Variants in TMC1 observed in about 807,000 individuals in gnomAD.
TMC1 encodes the protein transmembrane channel-like protein 1.
TMC1 carries 84 observed loss-of-function variants against 105.8 expected under a neutral mutation model. That is an observed-to-expected ratio of 0.79 (90% CI 0.67 to 0.95). The LOEUF (loss-of-function observed/expected upper bound fraction) is 0.95. Ranked by LOEUF, TMC1 falls within the 40% of genes least tolerant of loss-of-function variation. The pLI, the probability that TMC1 is intolerant of heterozygous loss-of-function variation, is 0.00. For missense variants in TMC1, 817 were observed against 914.1 expected (o/e 0.89, Z 1.37); for synonymous variants, 315 against 311.5 (o/e 1.01, Z -0.12).
intron 18 of TMC1, among the ~76,000 whole-genome samples, chr9:72,810,429 T>C (rs1828683136): frequency 6.6e-6 from 1 of 152,184 alleles, no homozygotes; most frequent in Non-Finnish European, 1.5e-5. Context: ...CAGTTTATTG[T>C]AGAAAATTTG....
chr9:72,650,893 TATATATATAAATATATATAG>T (rs1564468513), intron 5 of TMC1, among the ~76,000 whole-genome samples: 13 of 141,710 alleles, frequency 9.2e-5, no homozygotes, highest in Non-Finnish European at 1.5e-4. Context: ...GATATATAGA[TATATATATAAATATATATAG>T]ATATATATAT....
chr9:72,580,387 A>T (rs1240630808), intron 2 of TMC1, among the ~76,000 whole-genome samples: 2 of 152,018 alleles, frequency 1.3e-5, no homozygotes, highest in Admixed American at 6.6e-5. Flanking sequence ...TATTACACAC[A>T]CCCTTCTCAT....
Position 72,836,235 on chromosome 9 carries a change from T to C in TMC1, c.*262T>C, listed in dbSNP as rs1342033008. Reference sequence around the variant, plus strand: ...CATTTCGTGACTTTTTTTTTTTTTTTAACAAATTGAGTTTAGAAGTGAGTG... The same window carrying C: ...CATTTCGTGACTTTTTTTTTTTTTTCAACAAATTGAGTTTAGAAGTGAGTG... On this transcript the variant is annotated 3_prime_UTR_variant, in exon 24 of 24. Coordinates refer to ENST00000297784, the MANE Select transcript of TMC1 (RefSeq NM_138691.3). 1.6e-5 allele frequency: 8 copies of C among 514,930 alleles called. No homozygotes were observed. Among genetic ancestry groups the C allele is most frequent in the Non-Finnish European group, 2.4e-5 (7 of 287,478 alleles). 31.9% of individuals were successfully genotyped at this position (514,930 alleles called of 1,614,324 possible).
chr9:72,779,028 C>T (rs942683417), intron 13 of TMC1, among the ~76,000 whole-genome samples: 1 of 152,218 alleles, frequency 6.6e-6, no homozygotes, highest in Non-Finnish European at 1.5e-5. Context: ...GCACTGTTGC[C>T]AGCAACCCTC....
chr9:72,591,462 C>T (rs906397680), intron 2 of TMC1, among the ~76,000 whole-genome samples: 1 of 152,186 alleles, frequency 6.6e-6, no homozygotes, highest in Non-Finnish European at 1.5e-5. Context: ...AATTACAAGG[C>T]TATTGCAGTA....
At chr9:72,700,260 A>G (rs192910106) in intron 7 of TMC1, among the ~76,000 whole-genome samples, 218 of 151,864 alleles carry the variant, frequency 1.4e-3, no homozygotes, top group Admixed American at 4.6e-3. Flanking sequence ...TCAAAAAAAA[A>G]AAAAGAAAAG....
chr9:72,591,009 A>T (rs1351941644), intron 2 of TMC1, among the ~76,000 whole-genome samples: 1 of 152,192 alleles, frequency 6.6e-6, no homozygotes, highest in African/African-American at 2.4e-5. Context: ...AGGAAGACAG[A>T]GTGGTTTAGG....
intron 8 of TMC1, among the ~76,000 whole-genome samples, chr9:72,702,411 G>T (rs886253665): frequency 7.9e-5 from 12 of 152,000 alleles, no homozygotes; most frequent in African/African-American, 2.7e-4. Flanking sequence ...GAGTTGTGTA[G>T]TCTCTCTACA....
intron 5 of TMC1, among the ~76,000 whole-genome samples, chr9:72,656,723 A>G (rs368059331): frequency 6.6e-6 from 1 of 152,174 alleles, no homozygotes. Flanking sequence ...GATATAATGA[A>G]TTTTACATTT....
At chr9:72,709,598 A>C (rs1249841236) in intron 8 of TMC1, among the ~76,000 whole-genome samples, 1 of 152,120 alleles carries the variant, frequency 6.6e-6, no homozygotes, top group African/African-American at 2.4e-5. Flanking sequence ...GGAGGATTGT[A>C]TCTTTGCAGG....
intron 8 of TMC1, among the ~76,000 whole-genome samples, chr9:72,734,482 A>G (rs1827265059): frequency 6.6e-6 from 1 of 152,068 alleles, no homozygotes; most frequent in Non-Finnish European, 1.5e-5. Context: ...TTGAATAATC[A>G]CTTCCAGTAT....
At chr9:72,712,599 A>C (rs1345346832) in intron 8 of TMC1, among the ~76,000 whole-genome samples, 1 of 152,092 alleles carries the variant, frequency 6.6e-6, no homozygotes. Flanking sequence ...AATACTTGTG[A>C]TTTTTGTACA....
intron 15 of TMC1, among the ~76,000 whole-genome samples, chr9:72,791,431 G>A (rs931580661): frequency 6.6e-6 from 1 of 152,156 alleles, no homozygotes; most frequent in African/African-American, 2.4e-5. Context: ...CCATCTCAGG[G>A]AATTCATCCA....
intron 4 of TMC1, among the ~76,000 whole-genome samples, chr9:72,636,222 C>G (rs1330660522): frequency 6.6e-6 from 1 of 152,176 alleles, no homozygotes; most frequent in South Asian, 2.1e-4. Context: ...TGGGCTTAGA[C>G]TATTCTAAGA....
intron 11 of TMC1, among the ~76,000 whole-genome samples, chr9:72,752,410 A>G (rs1827593911): frequency 6.6e-6 from 1 of 151,676 alleles, no homozygotes; most frequent in Non-Finnish European, 1.5e-5. Context: ...CAAAATGAAC[A>G]TTTTCCCCCT....
At chr9:72,775,936 T>A (rs1230046097) in intron 13 of TMC1, among the ~76,000 whole-genome samples, 1 of 152,090 alleles carries the variant, frequency 6.6e-6, no homozygotes, top group Non-Finnish European at 1.5e-5. Flanking sequence ...AAGAACTCAC[T>A]TACTATCCCC....
chr9:72,827,616 T>G (rs1245095610), intron 21 of TMC1, among the ~76,000 whole-genome samples: 1 of 152,222 alleles, frequency 6.6e-6, no homozygotes, highest in Non-Finnish European at 1.5e-5. Flanking sequence ...GACTTTTGTT[T>G]TCACATAACT....
intron 19 of TMC1, among the ~76,000 whole-genome samples, chr9:72,820,526 G>C (rs1828849942): frequency 6.6e-6 from 1 of 152,126 alleles, no homozygotes; most frequent in African/African-American, 2.4e-5. Context: ...GAAGAAAGAA[G>C]TAAAACAATT....
chr9:72,737,356 C>T (rs534307576), intron 8 of TMC1, among the ~76,000 whole-genome samples: 1 of 152,296 alleles, frequency 6.6e-6, no homozygotes, highest in African/African-American at 2.4e-5. Flanking sequence ...CCCTTCAACA[C>T]GTTCACATCT....
Sources: allele counts gnomAD v4.1 joint callset (sites outside exome capture counted in the v4.1 genomes callset), GRCh38; gene constraint gnomAD v4.1.1; transcripts MANE v1.5; gene names NCBI Gene and HGNC (gene_info 2026-07-23, HGNC 2026-07-21).